The following STK40 variants were observed in gnomAD, a reference collection of about 807,000 sequenced individuals.
STK40 encodes serine/threonine kinase 40.
STK40 carries 13 observed loss-of-function variants against 47.9 expected under a neutral mutation model. The ratio of observed to expected loss-of-function variants is 0.27; its 90% CI spans 0.18 to 0.43. The LOEUF is 0.43. Among genes scored for constraint, STK40 ranks in the 20% least tolerant of loss-of-function variants. The probability of loss-of-function intolerance (pLI) is 1.00; values close to 1 mark genes in which losing one functional copy is unlikely to be tolerated. For synonymous variants in STK40, 225 were observed against 243.2 expected, an observed-to-expected ratio of 0.93 and a Z score of 0.69; for missense variants, 460 against 595.1, an observed-to-expected ratio of 0.77 and a Z score of 2.36.
rs778405615 is a variant in STK40, at chr1:36,355,406, T to G, written c.370A>C (p.Thr124Pro). ...QDRTCEIVED[T>P]ESSRMVKKMK... The stretch of plus-strand genomic sequence containing the variant: ...TTCTTAACCATCCGGCTGGATTCTG[T>G]GTCCTCAACGATTTCACAGGTGCGG... Residue 124 changes from threonine to proline, a missense_variant, in exon 5 of 11, where the codon ACA becomes CCA. This residue lies in a region of STK40 where 277 missense variants were observed against 358.7 expected (regional missense o/e 0.77). Coordinates refer to ENST00000373132, the MANE Select transcript of STK40 (RefSeq NM_001282547.2). 3 of 1,614,172 alleles carry G rather than the reference T, an allele frequency of 1.9e-6. No individual in the cohort carries two copies. Among genetic ancestry groups the G allele is most frequent in the Non-Finnish European group, 1.7e-6 (2 of 1,180,026 alleles).
chr1:36,378,373 G>A (rs1367226621), intron 1 of STK40, among the ~76,000 whole-genome samples: 2 of 152,158 alleles, frequency 1.3e-5, no homozygotes, highest in Admixed American at 6.5e-5. Context: ...GAGCCTGAGT[G>A]TTCTCTGTAA....
At chr1:36,359,800 G>A (rs1646836148) in intron 2 of STK40, among the ~76,000 whole-genome samples, 1 of 152,142 alleles carries the variant, frequency 6.6e-6, no homozygotes. Flanking sequence ...TTTCTAACAG[G>A]ATGTTCCATT....
chr1:36,352,937 C>T (rs1395108151), intron 6 of STK40, among the ~76,000 whole-genome samples: 1 of 152,238 alleles, frequency 6.6e-6, no homozygotes, highest in Non-Finnish European at 1.5e-5. Context: ...GTCCCGATGG[C>T]CTCTCAGGCT....
chr1:36,381,113 T>G (rs1242148407), intron 1 of STK40, among the ~76,000 whole-genome samples: 1 of 152,146 alleles, frequency 6.6e-6, no homozygotes, highest in Non-Finnish European at 1.5e-5. Flanking sequence ...TCAACCCTAT[T>G]GCCTCTGCCC....
chr1:36,371,196 T>A (rs1646943158), intron 1 of STK40, among the ~76,000 whole-genome samples: 1 of 146,250 alleles, frequency 6.8e-6, no homozygotes, highest in African/African-American at 2.5e-5. Context: ...CTTTAAATCA[T>A]CTCTAGATTT....
At chr1:36,345,696 G>A (rs1265826107) in intron 7 of STK40, among the ~76,000 whole-genome samples, 3 of 152,062 alleles carry the variant, frequency 2.0e-5, no homozygotes, top group Non-Finnish European at 4.4e-5. Context: ...CAAAAAAGGT[G>A]CTGCCTCTCC....
In STK40 at chr1:36,358,717, C is replaced by T. The variant is rs768908504; in HGVS notation, c.198+20G>A. On this transcript the variant is annotated intron_variant, in intron 3 of 10. Transcript: ENST00000373132. ...ACAGGCCCTGTTCCTGAGGCACCCTCACCCCCATGTCTCACTTACCTTCAG... is the reference window on the plus strand; with the variant it reads ...ACAGGCCCTGTTCCTGAGGCACCCTTACCCCCATGTCTCACTTACCTTCAG... The T allele has an allele frequency of 1.9e-6, 3 of 1,613,418 alleles. No homozygotes were observed. In the South Asian group the frequency reaches 3.3e-5, roughly 18 times the overall value.
In STK40 at chr1:36,352,308, C is replaced by A. The variant is rs570636170; in HGVS notation, c.623+2056G>T. Among the ~76,000 whole-genome samples, 42 of 152,270 alleles carry A rather than the reference C, an allele frequency of 2.8e-4. 1 individual carries two copies. The highest frequency in any genetic ancestry group is 1.0e-3 in the South Asian group (5 of 4,818). On this transcript the variant is annotated intron_variant, in intron 6 of 10. Transcript: ENST00000373132. Reference sequence around the variant, plus strand: ...GGCTACATTAGCACTGGGGTGTGCCCGTGATGCGCCAAACCCCATCATATT... The same window carrying A: ...GGCTACATTAGCACTGGGGTGTGCCAGTGATGCGCCAAACCCCATCATATT...
At chr1:36,343,074 C>T (rs1646669185) in intron 10 of STK40, 3 of 606,100 alleles carry the variant, frequency 4.9e-6, no homozygotes, top group Non-Finnish European at 8.8e-6. Context: ...GTGACTTGGG[C>T]AGCAGGAGGA....
At chr1:36,343,564 T>A in intron 9 of STK40, 116 bp from the exon 10 acceptor site, 1 of 1,073,456 alleles carries the variant, frequency 9.3e-7, no homozygotes, top group Non-Finnish European at 1.3e-6. Context: ...ACTGCTTCTC[T>A]GAGCCTCAGT....
At chr1:36,349,951 G>T (rs1646736218) in intron 6 of STK40, among the ~76,000 whole-genome samples, 1 of 152,164 alleles carries the variant, frequency 6.6e-6, no homozygotes, top group Admixed American at 6.5e-5. Context: ...GGGGCCTTGG[G>T]CTGCCTCTCC....
rs912003314 is a variant in STK40 at position 36,367,753 on chromosome 1, C to CTGAA, written c.-8-6417_-8-6414dup. 7.3e-6 allele frequency: 7 copies of CTGAA among 958,824 alleles called. No individual in the cohort carries two copies. In the African/African-American group the frequency reaches 1.1e-4, roughly 14 times the overall value. 59.4% of individuals were successfully genotyped at this position (958,824 alleles called of 1,614,324 possible). A position where few individuals can be genotyped will look rare whatever the true frequency, so the allele number is the denominator to read the frequency against. ...TCATGTCTACCCAACTACAAAGGAG[C>CTGAA]TGAAGCCTGGCCAAGGCATGGAGGG... On this transcript the variant is annotated intron_variant, in intron 1 of 10. Transcript: ENST00000373132.
At chr1:36,360,770 T>C (rs999116729) in intron 2 of STK40, among the ~76,000 whole-genome samples, 1 of 152,138 alleles carries the variant, frequency 6.6e-6, no homozygotes, top group Non-Finnish European at 1.5e-5. Context: ...CTTGAACTCT[T>C]AGCCACAAGT....
In STK40 at chr1:36,358,304, C is replaced by T; in HGVS notation, c.277G>A (p.Glu93Lys). The T allele has an allele frequency of 1.2e-6, 2 of 1,610,382 alleles. No individual in the cohort carries two copies. Among genetic ancestry groups the T allele is most frequent in the Non-Finnish European group, 1.7e-6 (2 of 1,176,910 alleles). ...ERQGKMLLHT[E>K]YSLLSLLHTQ... is the part of the protein sequence containing the mutation. ...TGCAGGAGAGACAGCAGTGAGTACTCGGTGTGCAGCAGCATCTTGCCCTGC... is the reference window on the plus strand; with the variant it reads ...TGCAGGAGAGACAGCAGTGAGTACTTGGTGTGCAGCAGCATCTTGCCCTGC... Residue 93 changes from glutamate to lysine, a missense_variant, in exon 4 of 11, where the codon GAG (glutamate) becomes AAG (lysine). By Grantham distance (56) the Glu-to-Lys change is moderately conservative. This residue lies in a region of STK40 where 277 missense variants were observed against 358.7 expected (regional missense o/e 0.77). Coordinates refer to ENST00000373132, the MANE Select transcript of STK40 (RefSeq NM_001282547.2).
At chr1:36,365,480 A>G (rs1646894329) in intron 1 of STK40, among the ~76,000 whole-genome samples, 1 of 152,254 alleles carries the variant, frequency 6.6e-6, no homozygotes, top group Non-Finnish European at 1.5e-5. Flanking sequence ...CTGAGCCCCA[A>G]CAGTCCCCAG....
At position 36,343,354 on chromosome 1, in the gene STK40, C is replaced by T. The variant is rs750170677; in HGVS notation, c.1089+10G>A. On this transcript the variant is annotated intron_variant, in intron 10 of 10. Coordinates refer to ENST00000373132, the MANE Select transcript of STK40 (RefSeq NM_001282547.2). ...GCTGGGTAATGGCCCATCTGCCCTCCCCAACTCACCTCCTGGGAGCTATCC... is the reference window on the plus strand; with the variant it reads ...GCTGGGTAATGGCCCATCTGCCCTCTCCAACTCACCTCCTGGGAGCTATCC... 1.9e-6 allele frequency: 3 copies of T among 1,610,408 alleles called. No homozygotes were observed. In the Admixed American group the frequency reaches 5.0e-5, roughly 27 times the overall value.
intron 1 of STK40, among the ~76,000 whole-genome samples, chr1:36,371,248 T>C (rs1646943576): frequency 6.6e-6 from 1 of 150,568 alleles, no homozygotes; most frequent in Admixed American, 6.6e-5. Flanking sequence ...GTTACTATAC[T>C]GTATTAAGAA....
chr1:36,344,155 G>A lies in STK40; in HGVS notation c.849C>T (p.Phe283=). The A allele has an allele frequency of 6.2e-7, 1 of 1,613,026 alleles. No homozygotes were observed. The highest frequency in any genetic ancestry group is 1.7e-4 in the Middle Eastern group (1 of 6,060). The part of the protein sequence containing the change: ...PFYDSIPQEL[F]RKIKAAEYTI... ...TATACTCGGCAGCCTTGATCTTGCG[G>A]AAGAGCTCCTGCGGGATGCTGTCGT... Residue 283 remains phenylalanine (F), a synonymous_variant, in exon 8 of 11, where the codon TTC becomes TTT. Transcript: ENST00000373132.
intron 1 of STK40, among the ~76,000 whole-genome samples, chr1:36,374,179 C>T (rs1267802978): frequency 6.6e-6 from 1 of 152,260 alleles, no homozygotes; most frequent in Admixed American, 6.5e-5. Flanking sequence ...CATGAGTTAG[C>T]CCCACATAAG....
Sources: allele counts gnomAD v4.1 joint callset (sites outside exome capture counted in the v4.1 genomes callset), GRCh38; gene constraint gnomAD v4.1.1; regional missense constraint gnomAD v4.1.1; transcripts MANE v1.5; gene names NCBI Gene and HGNC (gene_info 2026-07-23, HGNC 2026-07-21).